SCMH1: variants seen among roughly 807,000 people sequenced by gnomAD.
The protein encoded by SCMH1 is Scm polycomb group protein homolog 1.
SCMH1 carries 37 observed loss-of-function variants against 70.8 expected under a neutral mutation model. The ratio of observed to expected loss-of-function variants is 0.52; its 90% CI spans 0.40 to 0.69. The LOEUF (loss-of-function observed/expected upper bound fraction) is 0.69. SCMH1 is among the 30% of genes least tolerant of loss of function. The probability of loss-of-function intolerance (pLI) is 0.00; values close to 1 mark genes in which losing one functional copy is unlikely to be tolerated. For missense variants in SCMH1, 607 were observed against 827.3 expected, an observed-to-expected ratio of 0.73 and a Z score of 3.27; for synonymous variants, 292 against 307.4, an observed-to-expected ratio of 0.95 and a Z score of 0.52.
chr1:41,227,073 T>C (rs1660411541), intron 1 of SCMH1, among the ~76,000 whole-genome samples: 1 of 152,242 alleles, frequency 6.6e-6, no homozygotes, highest in South Asian at 2.1e-4. Context: ...GCTCTGCTGA[T>C]TTAAAATCCT....
At chr1:41,175,937 A>G (rs1647090597) in intron 2 of SCMH1, among the ~76,000 whole-genome samples, 1 of 152,020 alleles carries the variant, frequency 6.6e-6, no homozygotes, top group Admixed American at 6.5e-5. Context: ...TCATAATTAG[A>G]AAACATATAT....
intron 8 of SCMH1, among the ~76,000 whole-genome samples, chr1:41,104,228 T>C (rs1198116868): frequency 1.3e-5 from 2 of 152,148 alleles, no homozygotes; most frequent in Non-Finnish European, 2.9e-5. Context: ...CCAGTGAACC[T>C]AGCACTGCTA....
intron 8 of SCMH1, among the ~76,000 whole-genome samples, chr1:41,100,635 G>A (rs955467781): frequency 6.8e-6 from 1 of 147,988 alleles, no homozygotes; most frequent in Non-Finnish European, 1.5e-5. Flanking sequence ...GCACGATCTC[G>A]GCTCACTGCA....
At chr1:41,028,238 T>C in exon 15 of SCMH1, 1 of 1,614,128 alleles carries the variant, frequency 6.2e-7, no homozygotes. Context: ...TAGGAGAGCT[T>C]GAGTGCAGGC....
intron 1 of SCMH1, among the ~76,000 whole-genome samples, chr1:41,229,923 G>A (rs1214273310): frequency 6.6e-6 from 1 of 152,052 alleles, no homozygotes; most frequent in Non-Finnish European, 1.5e-5. Flanking sequence ...AAGAGTCAGG[G>A]GAAGACTCTC....
chr1:41,087,583 G>A (rs1662101018), intron 8 of SCMH1, among the ~76,000 whole-genome samples: 1 of 151,428 alleles, frequency 6.6e-6, no homozygotes, highest in Non-Finnish European at 1.5e-5. Flanking sequence ...CTCATAAAAA[G>A]AGAAATGCAA....
In SCMH1 at chr1:41,175,203, C is replaced by T. The variant is rs2173831; in HGVS notation, c.13+10918G>A. 1.6e-3 allele frequency among the ~76,000 whole-genome samples: 249 copies of T among 152,324 alleles called. 4 individuals carry two copies. The East Asian group carries it at 0.044, about 27-fold the overall frequency. The stretch of plus-strand genomic sequence containing the variant: ...CCTCACCAATGTGTGTGGGCATTAT[C>T]CAATCCACTGAGGGTCCAAATAGCA... On this transcript the variant is annotated intron_variant, in intron 2 of 14. Transcript: ENST00000337495.
chr1:41,199,770 T>A (rs180928355), intron 1 of SCMH1, among the ~76,000 whole-genome samples: 1 of 152,162 alleles, frequency 6.6e-6, no homozygotes, highest in Admixed American at 6.5e-5. Context: ...TCCTATTGGG[T>A]ACTATGTTCA....
At chr1:41,210,034 G>A (rs1040007912) in intron 1 of SCMH1, among the ~76,000 whole-genome samples, 2 of 152,162 alleles carry the variant, frequency 1.3e-5, no homozygotes, top group Non-Finnish European at 2.9e-5. Flanking sequence ...CAAAATCAAT[G>A]TGCAAAAATC....
intron 8 of SCMH1, among the ~76,000 whole-genome samples, chr1:41,107,740 G>C (rs929551287): frequency 3.3e-5 from 5 of 152,000 alleles, no homozygotes; most frequent in African/African-American, 1.2e-4. Flanking sequence ...GGATGGTCTC[G>C]ATCTCTTGAC....
intron 12 of SCMH1, among the ~76,000 whole-genome samples, chr1:41,040,558 T>G (rs1459733682): frequency 6.6e-6 from 1 of 152,078 alleles, no homozygotes; most frequent in Non-Finnish European, 1.5e-5. Context: ...GAAGGCAGAT[T>G]TCAGCTTTAA....
intron 8 of SCMH1, among the ~76,000 whole-genome samples, chr1:41,109,382 A>G (rs911663132): frequency 6.6e-5 from 10 of 152,350 alleles, no homozygotes; most frequent in South Asian, 2.1e-4. Flanking sequence ...GGTAGGAAAG[A>G]AGGAGGAAAT....
Position 41,228,397 on chromosome 1 carries a change from G to A in SCMH1, c.-118+13662C>T, listed in dbSNP as rs544994669. 5.3e-5 allele frequency among the ~76,000 whole-genome samples: 8 copies of A among 152,148 alleles called. No homozygotes were observed. In the South Asian group the frequency reaches 1.7e-3, roughly 32 times the overall value. On this transcript the variant is annotated intron_variant, in intron 1 of 14. Coordinates refer to ENST00000337495, the Ensembl canonical transcript of SCMH1. Reference sequence around the variant, plus strand: ...AGTACTGTTAAAAATAGTTGAAATGGCAAATTTTATGTTACATATATTTTA... The same window carrying A: ...AGTACTGTTAAAAATAGTTGAAATGACAAATTTTATGTTACATATATTTTA...
At chr1:41,056,628 C>T (rs1391723980) in intron 10 of SCMH1, among the ~76,000 whole-genome samples, 1 of 152,216 alleles carries the variant, frequency 6.6e-6, no homozygotes, top group Non-Finnish European at 1.5e-5. Flanking sequence ...AGTAAGGTCT[C>T]AGGGCAAACT....
At chr1:41,138,530 T>C (rs1267355127) in intron 6 of SCMH1, among the ~76,000 whole-genome samples, 1 of 152,234 alleles carries the variant, frequency 6.6e-6, no homozygotes, top group African/African-American at 2.4e-5. Context: ...TGGCTTTTTA[T>C]TTCCCTCCTT....
intron 8 of SCMH1, among the ~76,000 whole-genome samples, chr1:41,091,755 T>C (rs1221026364): frequency 1.3e-5 from 2 of 152,076 alleles, no homozygotes; most frequent in Admixed American, 6.5e-5. Context: ...AAATCATGAG[T>C]GAACTCCCAA....
At chr1:41,152,296 G>T (rs573173441) in intron 4 of SCMH1, among the ~76,000 whole-genome samples, 1 of 152,336 alleles carries the variant, frequency 6.6e-6, no homozygotes, top group African/African-American at 2.4e-5. Flanking sequence ...GCTCTGGGGT[G>T]CAAAGTGACA....
intron 8 of SCMH1, among the ~76,000 whole-genome samples, chr1:41,087,763 A>G (rs1019941304): frequency 3.3e-5 from 5 of 152,116 alleles, no homozygotes; most frequent in African/African-American, 4.8e-5. Flanking sequence ...TAACAAAACT[A>G]TATTTGCCTT....
chr1:41,159,773 C>T (rs1645867623), intron 4 of SCMH1: 2 of 1,516,440 alleles, frequency 1.3e-6, no homozygotes, highest in East Asian at 2.5e-5. Context: ...TCATAGAATG[C>T]TTCACTTCAA....
Sources: gnomAD v4.1 joint callset for allele counts (sites outside exome capture counted in the v4.1 genomes callset) on GRCh38, gnomAD v4.1.1 for gene constraint, MANE v1.5 for transcripts, NCBI Gene and HGNC (gene_info 2026-07-23, HGNC 2026-07-21) for gene names.